MLLT3: variants seen among roughly 807,000 people sequenced by gnomAD.
The protein encoded by MLLT3 is protein AF-9.
MLLT3 carries 4 observed loss-of-function variants against 53.2 expected under a neutral mutation model. That is an observed-to-expected ratio of 0.08 (90% confidence interval 0.04 to 0.17). The LOEUF (loss-of-function observed/expected upper bound fraction) is 0.17, where lower values mean the gene tolerates loss of function less well. MLLT3 is among the 10% of genes least tolerant of loss of function. The pLI is 1.00. For synonymous variants in MLLT3, 283 were observed against 230.6 expected (o/e 1.23, Z -2.06); for missense variants, 569 against 684.0 (o/e 0.83, Z 1.87).
chr9:20,580,967 C>T (rs956172738), intron 2 of MLLT3, among the ~76,000 whole-genome samples: 1 of 152,218 alleles, frequency 6.6e-6, no homozygotes, highest in Non-Finnish European at 1.5e-5. Context: ...ACAAGCAATG[C>T]ATGCCAAGCT....
rs115435123 is a variant in MLLT3, at chr9:20,486,621, G to A, written c.194-29835C>T. On this transcript the variant is annotated intron_variant, in intron 2 of 10. Coordinates refer to ENST00000380338, the MANE Select transcript of MLLT3 (RefSeq NM_004529.4). Reference sequence around the variant, plus strand: ...AGATTAGCGAAAGTTTTTAAATAAGGTAAGGTTACACTCCTACAATGCAAA... The same window carrying A: ...AGATTAGCGAAAGTTTTTAAATAAGATAAGGTTACACTCCTACAATGCAAA... 3.7e-3 allele frequency among the ~76,000 whole-genome samples: 564 copies of A among 152,208 alleles called. 5 individuals are homozygous for A. Among genetic ancestry groups the A allele is most frequent in the African/African-American group, 0.013 (529 of 41,528 alleles).
At chr9:20,357,443 C>G (rs1821198206) in intron 8 of MLLT3, among the ~76,000 whole-genome samples, 1 of 152,222 alleles carries the variant, frequency 6.6e-6, no homozygotes, top group African/African-American at 2.4e-5. Context: ...TTTATAGATA[C>G]AGCAGTCTCT....
intron 4 of MLLT3, among the ~76,000 whole-genome samples, chr9:20,437,701 T>C (rs1398709785): frequency 6.6e-6 from 1 of 152,148 alleles, no homozygotes; most frequent in East Asian, 1.9e-4. Context: ...AACTGGAACA[T>C]AGTAGAAGGT....
At chr9:20,542,336 C>A (rs561655918) in intron 2 of MLLT3, among the ~76,000 whole-genome samples, 1 of 151,196 alleles carries the variant, frequency 6.6e-6, no homozygotes, top group Non-Finnish European at 1.5e-5. Flanking sequence ...CTGAAAGCTC[C>A]GCTTCCCAGG....
At chr9:20,496,313 G>A (rs1367368255) in intron 2 of MLLT3, among the ~76,000 whole-genome samples, 1 of 152,124 alleles carries the variant, frequency 6.6e-6, no homozygotes, top group Non-Finnish European at 1.5e-5. Context: ...TTGAAAAGGT[G>A]TTTATGTTGC....
chr9:20,621,820 C>G lies in MLLT3; in HGVS notation c.12+425G>C. ...TGCGGAGGTGCGGCCGCCGAGGCTG[C>G]TCGCCGCGTCCCCGGACTGTGCCCG... is the stretch of plus-strand genomic sequence containing the variant. On this transcript the variant is annotated intron_variant, in intron 1 of 10. Coordinates refer to ENST00000380338, the MANE Select transcript of MLLT3 (RefSeq NM_004529.4). This position sits in a 1 kb window ranked among gnomAD's most constrained non-coding sequence, Gnocchi z 7.0. 1 of 1,428,714 alleles carries G rather than the reference C, an allele frequency of 7.0e-7. No homozygotes were observed. 88.5% of individuals were successfully genotyped at this position (1,428,714 alleles called of 1,614,324 possible). A position where few individuals can be genotyped will look rare whatever the true frequency, so the allele number is the denominator to read the frequency against.
chr9:20,564,926 G>A (rs760516359), intron 2 of MLLT3, among the ~76,000 whole-genome samples: 12 of 152,048 alleles, frequency 7.9e-5, no homozygotes, highest in Non-Finnish European at 1.2e-4. Context: ...AATACCACAC[G>A]GTATGGGTAG....
At chr9:20,360,036 A>T (rs961957732) in intron 8 of MLLT3, among the ~76,000 whole-genome samples, 1 of 152,248 alleles carries the variant, frequency 6.6e-6, no homozygotes, top group Non-Finnish European at 1.5e-5. Context: ...TTATCCAAAT[A>T]GTTATATTTT....
At chr9:20,509,869 A>AT (rs777891743) in intron 2 of MLLT3, among the ~76,000 whole-genome samples, 10,014 of 96,660 alleles carry the variant, frequency 0.1, 466 homozygotes, top group Non-Finnish European at 0.14. Context: ...GGGTACAATT[A>AT]TTATTTTTTT....
At chr9:20,359,674 A>C (rs987341476) in intron 8 of MLLT3, among the ~76,000 whole-genome samples, 2 of 152,228 alleles carry the variant, frequency 1.3e-5, no homozygotes, top group African/African-American at 2.4e-5. Flanking sequence ...CTTCAGCTCT[A>C]AACTAACATT....
At chr9:20,414,491 C>G in intron 4 of MLLT3, 66 bp from the exon 5 acceptor site, 1 of 1,588,916 alleles carries the variant, frequency 6.3e-7, no homozygotes, top group South Asian at 1.1e-5. Flanking sequence ...CAAAAGAGAT[C>G]TACATAAAAT....
At chr9:20,442,513 G>A (rs1278015581) in intron 4 of MLLT3, among the ~76,000 whole-genome samples, 1 of 152,152 alleles carries the variant, frequency 6.6e-6, no homozygotes, top group Admixed American at 6.6e-5. Context: ...AAAATTTGAA[G>A]AGAAGAGATT....
intron 2 of MLLT3, among the ~76,000 whole-genome samples, chr9:20,596,879 G>C (rs1027391533): frequency 1.1e-4 from 17 of 152,056 alleles, no homozygotes; most frequent in Non-Finnish European, 4.4e-5. Context: ...AAGCAATTTG[G>C]GGGAGTATTG....
At chr9:20,368,793 C>T (rs1402824984) in intron 5 of MLLT3, among the ~76,000 whole-genome samples, 1 of 152,006 alleles carries the variant, frequency 6.6e-6, no homozygotes, top group East Asian at 1.9e-4. Context: ...AGTTTTACAA[C>T]AAAAGACATT....
intron 2 of MLLT3, among the ~76,000 whole-genome samples, chr9:20,565,601 T>C (rs1450356735): frequency 2.6e-5 from 4 of 152,044 alleles, no homozygotes; most frequent in East Asian, 3.8e-4. Flanking sequence ...ATCTATACCA[T>C]GAGTTTTTAA....
chr9:20,505,696 T>C (rs1248380682), intron 2 of MLLT3, among the ~76,000 whole-genome samples: 2 of 152,192 alleles, frequency 1.3e-5, no homozygotes, highest in African/African-American at 4.8e-5. Flanking sequence ...TGACACACAT[T>C]TGTCCTGTTA....
chr9:20,434,388 T>C, intron 4 of MLLT3, among the ~76,000 whole-genome samples: 1 of 152,208 alleles, frequency 6.6e-6, no homozygotes, highest in East Asian at 1.9e-4. Flanking sequence ...AAATGTGAGA[T>C]TATTTCCAAT....
At chr9:20,471,457 A>T (rs1037293188) in intron 2 of MLLT3, among the ~76,000 whole-genome samples, 1 of 152,036 alleles carries the variant, frequency 6.6e-6, no homozygotes, top group Non-Finnish European at 1.5e-5. Flanking sequence ...AAATCACACA[A>T]GAAACAAGTT....
At chr9:20,399,120 C>T (rs1586919525) in intron 5 of MLLT3, among the ~76,000 whole-genome samples, 3 of 152,262 alleles carry the variant, frequency 2.0e-5, no homozygotes, top group South Asian at 4.1e-4. Context: ...ACACCCTGTA[C>T]TGTGTACCTC....
Sources: allele counts gnomAD v4.1 joint callset (sites outside exome capture counted in the v4.1 genomes callset), GRCh38; gene constraint gnomAD v4.1.1; non-coding constraint Gnocchi (gnomAD v3.1); transcripts MANE v1.5; gene names NCBI Gene and HGNC (gene_info 2026-07-23, HGNC 2026-07-21).